CSMD3: variants seen among roughly 807,000 people sequenced by gnomAD.
The protein encoded by CSMD3 is CUB and sushi domain-containing protein 3.
Under a neutral mutation model 435.2 loss-of-function variants are expected in CSMD3, and 177 were observed. That is an observed-to-expected ratio of 0.41 (90% confidence interval 0.36 to 0.46). CSMD3 has a LOEUF of 0.46. CSMD3 is among the 20% of genes least tolerant of loss of function. The pLI is 0.34. For missense variants in CSMD3, 4,265 were observed against 4,504.6 expected (o/e 0.95, Z 1.52); for synonymous variants, 1,656 against 1,520.5 (o/e 1.09, Z -2.07).
chr8:112,311,649 A>C (rs2130818272), intron 49 of CSMD3, among the ~76,000 whole-genome samples: 1 of 152,262 alleles, frequency 6.6e-6, no homozygotes, highest in South Asian at 2.1e-4. Flanking sequence ...ACATTCCATA[A>C]TCCTCTTTCC....
At chr8:112,379,802 C>T (rs1829304443) in intron 38 of CSMD3, among the ~76,000 whole-genome samples, 1 of 152,032 alleles carries the variant, frequency 6.6e-6, no homozygotes, top group Non-Finnish European at 1.5e-5. Flanking sequence ...AGTGTAGTAC[C>T]GGATAAAAAC....
intron 32 of CSMD3, among the ~76,000 whole-genome samples, chr8:112,431,615 T>A (rs1813718622): frequency 6.6e-6 from 1 of 152,134 alleles, no homozygotes. Flanking sequence ...TTCTGTATAG[T>A]GCACTACTCA....
At chr8:113,329,010 G>A (rs2094006554) in intron 1 of CSMD3, among the ~76,000 whole-genome samples, 1 of 151,130 alleles carries the variant, frequency 6.6e-6, no homozygotes, top group Non-Finnish European at 1.5e-5. Flanking sequence ...CCAAAATGCT[G>A]GGATTACAGC....
intron 54 of CSMD3, among the ~76,000 whole-genome samples, chr8:112,294,644 G>A (rs1015968483): frequency 6.6e-6 from 1 of 151,788 alleles, no homozygotes; most frequent in African/African-American, 2.4e-5. Flanking sequence ...CATACATATA[G>A]GAAGAGATCC....
intron 4 of CSMD3, among the ~76,000 whole-genome samples, chr8:113,132,472 AGTGT>A (rs144347632): frequency 0.096 from 14,581 of 152,008 alleles, 897 homozygotes; most frequent in Middle Eastern, 0.17. Flanking sequence ...ATGATTTAAA[AGTGT>A]GTGGCACTTC....
chr8:112,690,095 A>G, intron 13 of CSMD3, 45 bp from the exon 14 acceptor site: 2 of 1,392,790 alleles, frequency 1.4e-6, no homozygotes, highest in Middle Eastern at 1.9e-4. Context: ...GGTTGCAGGC[A>G]TATGATACCC....
chr8:112,382,267 G>C (rs556250948), intron 37 of CSMD3, among the ~76,000 whole-genome samples: 103 of 136,146 alleles, frequency 7.6e-4, no homozygotes, highest in African/African-American at 2.3e-3. Context: ...CTGGGCAATA[G>C]AGCCAGACCC....
intron 12 of CSMD3, among the ~76,000 whole-genome samples, chr8:112,824,972 G>A (rs575180930): frequency 6.6e-6 from 1 of 152,204 alleles, no homozygotes; most frequent in Admixed American, 6.5e-5. Context: ...TTTTGACATA[G>A]TTCCATATTT....
At chr8:113,000,775 G>A (rs188221438) in intron 6 of CSMD3, among the ~76,000 whole-genome samples, 30 of 151,758 alleles carry the variant, frequency 2.0e-4, no homozygotes, top group Admixed American at 2.0e-3. Context: ...TATCTTTCTG[G>A]GCTAAATGTC....
chr8:113,118,572 A>T (rs2090901696), intron 4 of CSMD3, among the ~76,000 whole-genome samples: 1 of 151,804 alleles, frequency 6.6e-6, no homozygotes. Flanking sequence ...TCAGGCAGGA[A>T]GATCATTTCA....
intron 5 of CSMD3, among the ~76,000 whole-genome samples, chr8:113,022,564 T>C (rs1379669795): frequency 1.3e-5 from 2 of 151,720 alleles, no homozygotes; most frequent in African/African-American, 2.4e-5. Context: ...AAAGAATTTC[T>C]AGAAATAAAG....
At chr8:113,425,122 T>G (rs2094628925) in intron 1 of CSMD3, among the ~76,000 whole-genome samples, 1 of 151,200 alleles carries the variant, frequency 6.6e-6, no homozygotes, top group Admixed American at 6.6e-5. Flanking sequence ...TCTCAAAGAG[T>G]TCTAGAACTG....
chr8:113,173,211 T>A (rs2092296268), intron 4 of CSMD3, among the ~76,000 whole-genome samples: 1 of 152,182 alleles, frequency 6.6e-6, no homozygotes, highest in South Asian at 2.1e-4. Context: ...AGATATATAA[T>A]TTACTACCTA....
intron 11 of CSMD3, among the ~76,000 whole-genome samples, chr8:112,836,488 A>G (rs2080027756): frequency 6.6e-6 from 1 of 151,980 alleles, no homozygotes; most frequent in Non-Finnish European, 1.5e-5. Context: ...TGATTCGATT[A>G]CACGTATTTG....
chr8:112,246,315 T>C (rs368140347), intron 64 of CSMD3, among the ~76,000 whole-genome samples: 49 of 152,312 alleles, frequency 3.2e-4, no homozygotes, highest in Middle Eastern at 6.8e-3. Flanking sequence ...ACCATCCTAA[T>C]AAGTGTTTCC....
chr8:112,244,613 T>C (rs367863256), intron 64 of CSMD3, 40 bp from the exon 65 acceptor site: 47 of 1,571,772 alleles, frequency 3.0e-5, no homozygotes, highest in Non-Finnish European at 3.8e-5. Flanking sequence ...TTTCTATAGA[T>C]ATGTTAAGAA....
intron 24 of CSMD3, among the ~76,000 whole-genome samples, chr8:112,572,501 T>C (rs1177224134): frequency 2.0e-5 from 3 of 152,232 alleles, no homozygotes; most frequent in African/African-American, 7.2e-5. Context: ...AAATTCCCTT[T>C]AAGATCCTAT....
intron 31 of CSMD3, among the ~76,000 whole-genome samples, chr8:112,484,076 G>C (rs558205207): frequency 1.3e-5 from 2 of 152,144 alleles, no homozygotes; most frequent in South Asian, 4.2e-4. Flanking sequence ...TAGTAGCATT[G>C]GCTGTTATTC....
chr8:112,396,070 C>T (rs1830834554), intron 35 of CSMD3, among the ~76,000 whole-genome samples: 1 of 152,008 alleles, frequency 6.6e-6, no homozygotes, highest in African/African-American at 2.4e-5. Context: ...TATGGGGCTG[C>T]TTTCCAATCA....
Sources: allele counts gnomAD v4.1 joint callset (sites outside exome capture counted in the v4.1 genomes callset), GRCh38; gene constraint gnomAD v4.1.1; transcripts MANE v1.5; gene names NCBI Gene and HGNC (gene_info 2026-07-23, HGNC 2026-07-21).